ZBBX: variants seen among roughly 807,000 people sequenced by gnomAD.
The protein encoded by ZBBX is zinc finger B-box domain containing, also known as zinc finger B-box domain-containing protein 1.
ZBBX carries 101 observed loss-of-function variants against 108.5 expected under a neutral mutation model. That is an observed-to-expected ratio of 0.93 (90% CI 0.79 to 1.10). ZBBX has a LOEUF of 1.10. Ranked by LOEUF, ZBBX falls within the 50% of genes least tolerant of loss-of-function variation. The pLI is 0.00. For synonymous variants in ZBBX, 356 were observed against 323.4 expected, an observed-to-expected ratio of 1.10 and a Z score of -1.08; for missense variants, 1,009 against 941.4, an observed-to-expected ratio of 1.07 and a Z score of -0.94.
chr3:167,219,800 C>T, the ZBBX span, among the ~76,000 whole-genome samples: 1 of 151,534 alleles, frequency 6.6e-6, no homozygotes, highest in Non-Finnish European at 1.5e-5. Context: ...TAAAAAACTA[C>T]AAAAGATCAA....
chr3:167,191,934 T>TAGAGAGAGAGAGAGAGAGAGAGAGAG, the ZBBX span, among the ~76,000 whole-genome samples: 4 of 130,224 alleles, frequency 3.1e-5, no homozygotes, highest in African/African-American at 1.2e-4. Flanking sequence ...TATATATATA[T>TAGAGAGAGAGAGAGAGAGAGAGAGAG]AGAGCAAGTT....
intron 20 of ZBBX, among the ~76,000 whole-genome samples, chr3:167,278,772 C>A (rs903788217): frequency 2.3e-3 from 344 of 150,598 alleles, no homozygotes; most frequent in South Asian, 3.8e-3. Flanking sequence ...CATCCTGATA[C>A]CAAAGCCGGG....
chr3:167,306,079 G>T, intron 16 of ZBBX, 129 bp from the exon 17 acceptor site: 1 of 663,368 alleles, frequency 1.5e-6, no homozygotes, highest in Non-Finnish European at 2.4e-6. Context: ...TTCCTTTACT[G>T]ATGTTTTAGT....
intron 9 of ZBBX, among the ~76,000 whole-genome samples, chr3:167,349,819 C>T (rs1188784381): frequency 6.6e-6 from 1 of 152,002 alleles, no homozygotes; most frequent in Non-Finnish European, 1.5e-5. Flanking sequence ...GCATCATTAA[C>T]TGTAACTAGT....
chr3:167,402,756 A>G (rs1748463550), intron 1 of ZBBX, among the ~76,000 whole-genome samples: 1 of 150,414 alleles, frequency 6.6e-6, no homozygotes, highest in African/African-American at 2.5e-5. Context: ...AAATTAGTTA[A>G]AAATTATATA....
chr3:167,392,048 C>A (rs916380506), intron 1 of ZBBX, among the ~76,000 whole-genome samples: 3 of 151,722 alleles, frequency 2.0e-5, no homozygotes, highest in Non-Finnish European at 2.9e-5. Context: ...CACTTGCAAT[C>A]AATACCCTCA....
intron 20 of ZBBX, among the ~76,000 whole-genome samples, chr3:167,263,463 T>C (rs1724937868): frequency 6.6e-6 from 1 of 152,236 alleles, no homozygotes; most frequent in African/African-American, 2.4e-5. Context: ...TCCATTTCCT[T>C]CTTAATTTAT....
At chr3:167,367,838 TC>T (rs1203511222) in intron 5 of ZBBX, among the ~76,000 whole-genome samples, 1 of 150,842 alleles carries the variant, frequency 6.6e-6, no homozygotes, top group Non-Finnish European at 1.5e-5. Flanking sequence ...AACAACAAAT[TC>T]AGTATAATTA....
upstream of ZBBX, among the ~76,000 whole-genome samples, chr3:167,383,369 T>C (rs796517724): frequency 1.3e-5 from 2 of 152,054 alleles, no homozygotes; most frequent in South Asian, 2.1e-4. Context: ...ATTACATATG[T>C]ATGGGGTTTT....
At chr3:167,256,154 T>C (rs1723470703) in intron 20 of ZBBX, among the ~76,000 whole-genome samples, 1 of 152,144 alleles carries the variant, frequency 6.6e-6, no homozygotes, top group Non-Finnish European at 1.5e-5. Context: ...TCTTTTATGA[T>C]TGAATAATAC....
At chr3:167,246,013 C>T (rs138831615) in intron 20 of ZBBX, among the ~76,000 whole-genome samples, 2 of 152,094 alleles carry the variant, frequency 1.3e-5, no homozygotes, top group African/African-American at 4.8e-5. Context: ...CTCTGCTATA[C>T]ATTTGGGGGA....
At chr3:167,384,871 A>T (rs1577141785), upstream of ZBBX, among the ~76,000 whole-genome samples, 1 of 152,070 alleles carries the variant, frequency 6.6e-6, no homozygotes, top group East Asian at 1.9e-4. Context: ...ATCAGCTGGT[A>T]AAAAAGAAGA....
downstream of ZBBX, among the ~76,000 whole-genome samples, chr3:167,239,159 G>T (rs1247863805): frequency 5.3e-5 from 8 of 152,092 alleles, no homozygotes; most frequent in Admixed American, 5.2e-4. Context: ...CCTGAAGTCA[G>T]TCTGAAGAAA....
intron 11 of ZBBX, among the ~76,000 whole-genome samples, chr3:167,325,737 A>C (rs1226977789): frequency 6.6e-6 from 1 of 152,154 alleles, no homozygotes; most frequent in African/African-American, 2.4e-5. Context: ...ATTGAGAGTA[A>C]TGTTGTATAC....
intron 8 of ZBBX, among the ~76,000 whole-genome samples, chr3:167,352,932 G>T (rs969773688): frequency 6.6e-6 from 1 of 152,066 alleles, no homozygotes; most frequent in Non-Finnish European, 1.5e-5. Context: ...ATCACTCCAT[G>T]ATAAAAACCC....
At position 167,390,175 on chromosome 3, in the gene ZBBX, T is replaced by G. The variant is rs369664033; in HGVS notation, c.-445-9770A>C. ...AGGAAAGGGTCCAGTTTCAGTTTCC[T>G]GCATATGGCTAGCCAGTTTTCCTAG... On this transcript the variant is annotated intron_variant, in intron 1 of 21. Transcript: ENST00000455345. 4.3e-4 allele frequency among the ~76,000 whole-genome samples: 65 copies of G among 152,282 alleles called. No homozygotes were observed. The East Asian group carries it at 5.0e-3, about 12-fold the overall frequency.
intron 17 of ZBBX, among the ~76,000 whole-genome samples, chr3:167,298,850 GA>G (rs1319192809): frequency 3.3e-5 from 5 of 151,874 alleles, no homozygotes; most frequent in African/African-American, 1.2e-4. Context: ...AACTGAAGGT[GA>G]AATACCAATG....
chr3:167,225,881 T>C, the ZBBX span, among the ~76,000 whole-genome samples: 1 of 151,746 alleles, frequency 6.6e-6, no homozygotes, highest in Non-Finnish European at 1.5e-5. Flanking sequence ...GTTGCTTTTC[T>C]TGTTGCCTGA....
At chr3:167,348,367 AG>A (rs1396234706) in intron 9 of ZBBX, among the ~76,000 whole-genome samples, 15 of 148,612 alleles carry the variant, frequency 1.0e-4, no homozygotes, top group African/African-American at 3.6e-4. Context: ...AAAGAAAGAA[AG>A]AAAAAAAAGA....
Sources: gnomAD v4.1 joint callset for allele counts (sites outside exome capture counted in the v4.1 genomes callset) on GRCh38, gnomAD v4.1.1 for gene constraint, MANE v1.5 for transcripts, NCBI Gene and HGNC (gene_info 2026-07-23, HGNC 2026-07-21) for gene names.